The following MICU2 variants were observed in gnomAD, a reference collection of about 807,000 sequenced individuals.
MICU2 encodes the protein calcium uptake protein 2, mitochondrial.
MICU2 carries 64 observed loss-of-function variants against 60.4 expected under a neutral mutation model. That is an observed-to-expected ratio of 1.06 (90% CI 0.87 to 1.31). The LOEUF is 1.31. Among genes scored for constraint, MICU2 ranks in the 50% most tolerant of loss-of-function variants. The probability of loss-of-function intolerance (pLI) is 0.00; values close to 1 mark genes in which losing one functional copy is unlikely to be tolerated. For missense variants in MICU2, 569 were observed against 531.0 expected (o/e 1.07, Z -0.70); for synonymous variants, 201 against 175.0 (o/e 1.15, Z -1.17).
chr13:21,513,991 C>T (rs1357806169), intron 7 of MICU2, among the ~76,000 whole-genome samples: 1 of 152,100 alleles, frequency 6.6e-6, no homozygotes, highest in East Asian at 1.9e-4. Flanking sequence ...GCTCTACCTA[C>T]ATACTCCTGT....
At chr13:21,556,874 A>G (rs754498516) in intron 2 of MICU2, among the ~76,000 whole-genome samples, 3 of 152,226 alleles carry the variant, frequency 2.0e-5, no homozygotes, top group Non-Finnish European at 4.4e-5. Flanking sequence ...ATTCATGTGT[A>G]AAATGATTGG....
chr13:21,511,628 T>A (rs1214819515), intron 7 of MICU2, among the ~76,000 whole-genome samples: 1 of 152,226 alleles, frequency 6.6e-6, no homozygotes. Context: ...ACAGTCAACA[T>A]ATAGAACATT....
chr13:21,580,592 A>ATATTTAAGAGTAACTCTTAAC (rs1888326232), intron 1 of MICU2, among the ~76,000 whole-genome samples: 2 of 152,008 alleles, frequency 1.3e-5, no homozygotes, highest in African/African-American at 2.4e-5. Context: ...GTACTCTTAA[A>ATATTTAAGAGTAACTCTTAAC]TATTTAAGAG....
intron 2 of MICU2, among the ~76,000 whole-genome samples, chr13:21,557,717 T>A (rs1240643410): frequency 2.6e-5 from 4 of 152,192 alleles, no homozygotes; most frequent in Non-Finnish European, 5.9e-5. Flanking sequence ...AAGATTATTA[T>A]CCTTCTTATC....
At chr13:21,513,372 G>A (rs1012449142) in intron 7 of MICU2, among the ~76,000 whole-genome samples, 1 of 152,038 alleles carries the variant, frequency 6.6e-6, no homozygotes, top group Admixed American at 6.6e-5. Flanking sequence ...GTTAGCTGTA[G>A]GTTTTTTGTA....
intron 4 of MICU2, among the ~76,000 whole-genome samples, chr13:21,525,554 T>C (rs1015782573): frequency 1.3e-5 from 2 of 151,706 alleles, no homozygotes; most frequent in Admixed American, 6.6e-5. Context: ...AAATACAAAT[T>C]CCCACCAAAT....
rs557108708 is a variant in MICU2, at chr13:21,581,157, G to A, written c.211-14213C>T. ...GGATAAATACTAAGAACTAGGAAGA[G>A]ACAAGGATGTAACCTGAAAATTTAG... is the stretch of plus-strand genomic sequence containing the variant. On this transcript the variant is annotated intron_variant, in intron 1 of 11. Transcript: ENST00000382374. 9.8e-4 allele frequency among the ~76,000 whole-genome samples: 149 copies of A among 152,312 alleles called. 1 individual carries two copies. Among genetic ancestry groups the A allele is most frequent in the Non-Finnish European group, 4.1e-4 (28 of 68,024 alleles).
At chr13:21,590,284 A>T (rs1052816952) in intron 1 of MICU2, among the ~76,000 whole-genome samples, 28 of 152,192 alleles carry the variant, frequency 1.8e-4, no homozygotes, top group Admixed American at 6.5e-5. Flanking sequence ...CTGAGGGCCA[A>T]TATTCAACAT....
rs150938198 is a variant in MICU2, at chr13:21,522,634, G to A, written c.483C>T (p.Thr161=). Residue 161 remains threonine, a synonymous_variant, in exon 5 of 12, where the codon ACC becomes ACT. Transcript: ENST00000382374. ...DLGDKGLISY[T]EYLFLLTILT... ...GGATTGTAAGCAAGAAAAGATACTC[G>A]GTATATGAAATTAGCCCTGAAAGAG... 1.2e-5 allele frequency: 20 copies of A among 1,601,922 alleles called. No homozygotes were observed. Among genetic ancestry groups the A allele is most frequent in the Admixed American group, 6.8e-5 (4 of 58,482 alleles).
In MICU2 at chr13:21,590,040, TATA is replaced by T. The variant is rs374013934; in HGVS notation, c.210+13896_210+13898del. On this transcript the variant is annotated intron_variant, in intron 1 of 11. Transcript: ENST00000382374. ...TTTCTTTTGCAGCACCAAAACTTTA[TATA>T]TAACACTAGCAAGACAGGCCAACAT... Among the ~76,000 whole-genome samples, 284 of 152,312 alleles carry T rather than the reference TATA, an allele frequency of 1.9e-3. 2 individuals are homozygous for T. The highest frequency in any genetic ancestry group is 6.6e-3 in the African/African-American group (274 of 41,562).
chr13:21,601,882 G>C (rs563560918), intron 1 of MICU2, among the ~76,000 whole-genome samples: 2 of 152,068 alleles, frequency 1.3e-5, no homozygotes, highest in African/African-American at 4.8e-5. Flanking sequence ...AAGGCAGGCG[G>C]ATCACGAGGT....
At chr13:21,603,014 G>A (rs2138084138) in intron 1 of MICU2, among the ~76,000 whole-genome samples, 2 of 150,194 alleles carry the variant, frequency 1.3e-5, no homozygotes, top group African/African-American at 4.9e-5. Context: ...TGTAGCTCAG[G>A]CTGGAGTGCA....
intron 2 of MICU2, among the ~76,000 whole-genome samples, chr13:21,560,330 TATC>T (rs1887810755): frequency 1.5e-5 from 1 of 66,920 alleles, no homozygotes; most frequent in Non-Finnish European, 4.0e-5. Context: ...CTAGTACCAT[TATC>T]CAACTGCACT....
rs573934075 is a variant in MICU2, at chr13:21,565,764, C to T, written c.358+1033G>A. Among the ~76,000 whole-genome samples the T allele has an allele frequency of 3.3e-5, 5 of 151,712 alleles. 1 individual carries two copies. Among genetic ancestry groups the T allele is most frequent in the African/African-American group, 9.7e-5 (4 of 41,362 alleles). On this transcript the variant is annotated intron_variant, in intron 2 of 11. Coordinates refer to ENST00000382374, the MANE Select transcript of MICU2 (RefSeq NM_152726.3). ...AGGAGAATTGCTTGAACCCGGGAGG[C>T]GGAGGTTGCAGTGAGCTGAGATCAT...
intron 2 of MICU2, among the ~76,000 whole-genome samples, chr13:21,549,128 A>T (rs1402437427): frequency 2.0e-5 from 3 of 151,442 alleles, no homozygotes; most frequent in African/African-American, 7.3e-5. Flanking sequence ...ACGGGGTTTC[A>T]CCGTGTTAGC....
In MICU2 at chr13:21,514,363, G is replaced by A. The variant is rs1271162077; in HGVS notation, c.653C>T (p.Thr218Ile). Reference sequence around the variant, plus strand: ...ATCATCTGTACATACCTGATATCCAGTTTCATTAGTTTTCACTGTCATCAA... The same window carrying A: ...ATCATCTGTACATACCTGATATCCAATTTCATTAGTTTTCACTGTCATCAA... ...DDLMTVKTNE[T>I]GYQEAIVKEP... Residue 218 changes from threonine (T) to isoleucine (I), a missense_variant, in exon 7 of 12, where the codon ACT (threonine) becomes ATT (isoleucine). Physicochemically the swap from Thr to Ile is moderately conservative, Grantham distance 89. Transcript: ENST00000382374. The A allele has an allele frequency of 2.5e-6, 4 of 1,611,580 alleles. No individual in the cohort carries two copies. The African/African-American group carries it at 5.4e-5, about 22-fold the overall frequency.
At chr13:21,522,674 G>GA in intron 4 of MICU2, 24 bp from the exon 5 acceptor site, 1 of 1,553,316 alleles carries the variant, frequency 6.4e-7, no homozygotes, top group Non-Finnish European at 8.8e-7. Flanking sequence ...AAACATACCA[G>GA]AAAATAAGCT....
intron 4 of MICU2, among the ~76,000 whole-genome samples, chr13:21,534,605 C>G (rs1887088763): frequency 6.6e-6 from 1 of 152,102 alleles, no homozygotes; most frequent in South Asian, 2.1e-4. Flanking sequence ...TTTCAATACA[C>G]AGAAAGGCTA....
chr13:21,590,826 G>A (rs536972862), intron 1 of MICU2, among the ~76,000 whole-genome samples: 1 of 152,312 alleles, frequency 6.6e-6, no homozygotes, highest in African/African-American at 2.4e-5. Context: ...CTGCACTCTA[G>A]CCTGGCGACA....
Sources: allele counts gnomAD v4.1 joint callset (sites outside exome capture counted in the v4.1 genomes callset), GRCh38; gene constraint gnomAD v4.1.1; transcripts MANE v1.5; gene names NCBI Gene and HGNC (gene_info 2026-07-23, HGNC 2026-07-21).